The following REPS2 variants were observed in gnomAD, a reference collection of about 807,000 sequenced individuals.
REPS2 encodes the protein ralBP1-associated Eps domain-containing protein 2.
In REPS2, 23 loss-of-function variants were observed where a neutral mutation model predicts 53.6. The ratio of observed to expected loss-of-function variants is 0.43; its 90% confidence interval spans 0.31 to 0.61. REPS2 has a LOEUF of 0.61. Ranked by LOEUF, REPS2 falls within the 20% of genes least tolerant of loss-of-function variation. The pLI, the probability that REPS2 is intolerant of heterozygous loss-of-function variation, is 0.11. For missense variants in REPS2, 446 were observed against 534.9 expected, an observed-to-expected ratio of 0.83 and a Z score of 1.64; for synonymous variants, 238 against 218.6, an observed-to-expected ratio of 1.09 and a Z score of -0.78.
At chrX:17,077,563 G>T (rs753702279) in intron 13 of REPS2, among the ~76,000 whole-genome samples, 156 bp downstream of exon 13, 4 of 112,187 alleles carry the variant, frequency 3.6e-5, no homozygotes, top group Non-Finnish European at 5.6e-5. Flanking sequence ...TCTTGGGAGA[G>T]AAAGCAATTC....
rs112348969 is a variant in REPS2, at chrX:17,002,648, G to C, written c.274-3573G>C. Among the ~76,000 whole-genome samples the C allele has an allele frequency of 4.6e-3, 515 of 112,275 alleles. 2 individuals are homozygous for C. The highest frequency in any genetic ancestry group is 0.016 in the African/African-American group (496 of 30,864). On this transcript the variant is annotated intron_variant, in intron 1 of 17. Transcript: ENST00000357277. ...GTACAATTTGTAAGCATGTACTTCA[G>C]ATTCTCTTCTGTATTTCTGTTGCTG...
intron 8 of REPS2, among the ~76,000 whole-genome samples, chrX:17,057,956 C>T (rs767192222): frequency 1.4e-4 from 16 of 112,095 alleles, no homozygotes; most frequent in Non-Finnish European, 2.4e-4. Flanking sequence ...ATACCTTCGC[C>T]GTGTCCTCTT....
At chrX:17,002,842 C>T (rs553038138) in intron 1 of REPS2, among the ~76,000 whole-genome samples, 4 of 111,832 alleles carry the variant, frequency 3.6e-5, no homozygotes, top group South Asian at 7.5e-4. Flanking sequence ...TGATCCTAAC[C>T]GGTACCCTCT....
At chrX:17,042,858 C>T (rs922343000) in intron 5 of REPS2, among the ~76,000 whole-genome samples, 25 of 111,329 alleles carry the variant, frequency 2.2e-4, no homozygotes, top group Middle Eastern at 4.2e-3. Context: ...TTCAGTGGTA[C>T]GATCATGGCT....
rs775545543 is a variant in REPS2 at position 16,996,570 on chromosome X, T to G, written c.274-9651T>G. ...TTGTTATTTTAACAATTGGATTGGG[T>G]CTTCACTGGGAGCTCTACAAAGAAA... On this transcript the variant is annotated intron_variant, in intron 1 of 17. Transcript: ENST00000357277. Among the ~76,000 whole-genome samples, 14 of 112,113 alleles carry G rather than the reference T, an allele frequency of 1.2e-4. 1 individual carries two copies. The highest frequency in any genetic ancestry group is 2.4e-4 in the Non-Finnish European group (13 of 53,234).
the REPS2 span, among the ~76,000 whole-genome samples, chrX:17,194,711 C>T: frequency 9.0e-6 from 1 of 111,460 alleles, no homozygotes; most frequent in Non-Finnish European, 1.9e-5. Flanking sequence ...ATTGATAGAA[C>T]TAAACACACA....
At position 17,153,191 on chromosome X, in the gene REPS2, ATAGT is replaced by A. The variant is rs2148193120; in HGVS notation, c.*5713_*5716del. 8.9e-6 allele frequency: 1 copy of A among 112,606 alleles called. No individual in the cohort carries two copies. The highest frequency in any genetic ancestry group is 2.8e-4 in the East Asian group (1 of 3,587). The allele number at this position is 112,606 out of a possible 1,213,427, so 9.3% of individuals were successfully genotyped here. On this transcript the variant is annotated 3_prime_UTR_variant, in exon 18 of 18. Coordinates refer to ENST00000357277, the MANE Select transcript of REPS2 (RefSeq NM_004726.3). ...ACTTGTTGAAAAGTCTGTGAAGAAC[ATAGT>A]TAAAGATCTCCAACTTTGGAAAATA...
At chrX:16,954,018 A>T (rs911321291) in intron 1 of REPS2, among the ~76,000 whole-genome samples, 3 of 111,079 alleles carry the variant, frequency 2.7e-5, no homozygotes, top group African/African-American at 9.8e-5. Flanking sequence ...CAGCAATCTG[A>T]TCATGACTCA....
intron 5 of REPS2, among the ~76,000 whole-genome samples, chrX:17,043,504 GCCC>G (rs9331473): frequency 0.043 from 4,408 of 103,180 alleles, 266 homozygotes; most frequent in African/African-American, 0.15. Context: ...AGCCTTTCTT[GCCC>G]CCCCCCCCGG....
At chrX:17,015,345 C>A (rs1209105472) in intron 2 of REPS2, among the ~76,000 whole-genome samples, 2 of 112,296 alleles carry the variant, frequency 1.8e-5, no homozygotes, top group African/African-American at 6.5e-5. Flanking sequence ...CTTTTCACTT[C>A]AACCATCAAA....
chrX:17,015,846 A>G (rs1219926139), intron 2 of REPS2, among the ~76,000 whole-genome samples: 2 of 111,704 alleles, frequency 1.8e-5, no homozygotes, highest in Non-Finnish European at 3.8e-5. Flanking sequence ...AGTCTTTGCT[A>G]TTGTGAATAG....
chrX:16,977,013 T>C (rs986627374), intron 1 of REPS2, among the ~76,000 whole-genome samples: 4 of 111,645 alleles, frequency 3.6e-5, no homozygotes, highest in Middle Eastern at 4.6e-3. Context: ...GATTAGCATA[T>C]TGATAGATTG....
rs767558767 is a variant in REPS2, at chrX:17,011,537, TAAATGC to T, written c.397+5196_397+5201del. Among the ~76,000 whole-genome samples, 4 of 111,991 alleles carry T rather than the reference TAAATGC, an allele frequency of 3.6e-5. No individual in the cohort carries two copies. The South Asian group carries it at 1.5e-3, about 41-fold the overall frequency. Reference sequence around the variant, plus strand: ...TGGGCCCTTTCTCAGAATTATGTTTTAAATGCAACAAAGACATAAGATTATAATGGA... The same window carrying T: ...TGGGCCCTTTCTCAGAATTATGTTTTAACAAAGACATAAGATTATAATGGA... On this transcript the variant is annotated intron_variant, in intron 2 of 17. Transcript: ENST00000357277.
At chrX:17,172,605 C>T in the REPS2 span, among the ~76,000 whole-genome samples, 1 of 111,587 alleles carries the variant, frequency 9.0e-6, no homozygotes, top group Non-Finnish European at 1.9e-5. Flanking sequence ...GAATGGACTA[C>T]AGGCCCTAGG....
chrX:16,980,444 G>A (rs1168385478), intron 1 of REPS2, among the ~76,000 whole-genome samples: 2 of 110,300 alleles, frequency 1.8e-5, no homozygotes, highest in Non-Finnish European at 3.8e-5. Context: ...TTGGGACTAC[G>A]GGAGCGTGCC....
intron 1 of REPS2, among the ~76,000 whole-genome samples, chrX:17,001,010 C>A (rs1200206304): frequency 9.0e-6 from 1 of 111,563 alleles, no homozygotes; most frequent in African/African-American, 3.3e-5. Context: ...GAATTTGTGA[C>A]CTTGAACATA....
intron 1 of REPS2, among the ~76,000 whole-genome samples, chrX:16,973,042 A>C (rs1237009773): frequency 1.8e-5 from 2 of 111,770 alleles, no homozygotes; most frequent in African/African-American, 3.2e-5. Flanking sequence ...GTTTGTAATA[A>C]TTTCTTAATC....
chrX:17,046,440 T>C (rs906633355), intron 5 of REPS2, among the ~76,000 whole-genome samples: 2 of 111,635 alleles, frequency 1.8e-5, no homozygotes, highest in African/African-American at 6.5e-5. Context: ...CCTCCCAAAG[T>C]GCTGGGATTA....
chrX:17,095,317 A>G (rs2062681069), intron 13 of REPS2, among the ~76,000 whole-genome samples: 1 of 111,840 alleles, frequency 8.9e-6, no homozygotes, highest in African/African-American at 3.3e-5. Context: ...CTGGGAGCAG[A>G]AGGGAAGAAG....
Sources: allele counts gnomAD v4.1 joint callset (sites outside exome capture counted in the v4.1 genomes callset), GRCh38; gene constraint gnomAD v4.1.1; transcripts MANE v1.5; gene names NCBI Gene and HGNC (gene_info 2026-07-23, HGNC 2026-07-21).